TRPM3: variants seen among roughly 807,000 people sequenced by gnomAD.
TRPM3 encodes the protein transient receptor potential cation channel subfamily M member 3.
Under a neutral mutation model 181.2 loss-of-function variants are expected in TRPM3, and 77 were observed. The observed-to-expected ratio is 0.42, with a 90% CI of 0.35 to 0.51. The LOEUF (loss-of-function observed/expected upper bound fraction) is 0.51, where lower values mean the gene tolerates loss of function less well. Ranked by LOEUF, TRPM3 falls within the 20% of genes least tolerant of loss-of-function variation. The probability of loss-of-function intolerance (pLI) is 0.01; values close to 1 mark genes in which losing one functional copy is unlikely to be tolerated. For synonymous variants in TRPM3, 745 were observed against 796.4 expected, an observed-to-expected ratio of 0.94 and a Z score of 1.09; for missense variants, 1,759 against 2,196.7, an observed-to-expected ratio of 0.80 and a Z score of 3.98.
intron 1 of TRPM3, among the ~76,000 whole-genome samples, chr9:71,099,699 T>A (rs550437667): frequency 1.3e-5 from 2 of 152,280 alleles, no homozygotes; most frequent in Non-Finnish European, 2.9e-5. Flanking sequence ...ATGCTCAACC[T>A]GAGATCCATT....
intron 1 of TRPM3, among the ~76,000 whole-genome samples, chr9:70,871,454 A>G (rs144066541): frequency 1.2e-4 from 18 of 152,056 alleles, no homozygotes; most frequent in African/African-American, 4.3e-4. Context: ...AAGATAAATA[A>G]CTATTCAATA....
chr9:71,103,193 C>G (rs2068727064), intron 1 of TRPM3, among the ~76,000 whole-genome samples: 1 of 152,164 alleles, frequency 6.6e-6, no homozygotes, highest in East Asian at 1.9e-4. Context: ...GTGTTTGAAA[C>G]TGTATCAAAC....
chr9:70,795,366 T>C (rs2086751943), intron 6 of TRPM3, among the ~76,000 whole-genome samples: 1 of 152,224 alleles, frequency 6.6e-6, no homozygotes, highest in South Asian at 2.1e-4. Context: ...CTTATTTATA[T>C]CTATTAAGCT....
rs141564971 is a variant in TRPM3, at chr9:71,422,120, A to G, written c.183+24533T>C. Among the ~76,000 whole-genome samples, 11 of 152,074 alleles carry G rather than the reference A, an allele frequency of 7.2e-5. No individual in the cohort carries two copies. In the East Asian group the frequency reaches 1.4e-3, roughly 19 times the overall value. ...AACTTCTGTTTGGTTTTCTCTTGTT[A>G]ACTTGTTACAGGGGTCTCAGATGAG... On this transcript the variant is annotated intron_variant, in intron 1 of 24. Transcript: ENST00000357533.
intron 1 of TRPM3, among the ~76,000 whole-genome samples, chr9:71,212,221 A>G (rs960744948): frequency 2.0e-5 from 3 of 152,196 alleles, no homozygotes; most frequent in Non-Finnish European, 2.9e-5. Context: ...GGCTCAAGCC[A>G]TCCTCCCATC....
At chr9:71,383,369 T>C (rs1401472094) in intron 1 of TRPM3, among the ~76,000 whole-genome samples, 1 of 152,174 alleles carries the variant, frequency 6.6e-6, no homozygotes, top group African/African-American at 2.4e-5. Flanking sequence ...AACTGACCAC[T>C]ATGGACTGCA....
At chr9:71,231,799 G>T (rs2081070142) in intron 1 of TRPM3, among the ~76,000 whole-genome samples, 1 of 152,124 alleles carries the variant, frequency 6.6e-6, no homozygotes, top group Admixed American at 6.5e-5. Flanking sequence ...ATGGTAAGCG[G>T]GTTTGGGTTA....
intron 5 of TRPM3, among the ~76,000 whole-genome samples, chr9:70,828,468 T>C (rs917357214): frequency 1.3e-5 from 2 of 152,168 alleles, no homozygotes; most frequent in East Asian, 3.9e-4. Context: ...AGAAATGTGA[T>C]TCTTTCTGTC....
intron 1 of TRPM3, among the ~76,000 whole-genome samples, chr9:71,144,231 T>C (rs906165357): frequency 6.6e-6 from 1 of 152,126 alleles, no homozygotes; most frequent in Non-Finnish European, 1.5e-5. Flanking sequence ...TTTGACCTTG[T>C]GCCCCTAGAA....
chr9:71,405,129 T>C (rs368126678), intron 1 of TRPM3, among the ~76,000 whole-genome samples: 1 of 152,238 alleles, frequency 6.6e-6, no homozygotes, highest in Non-Finnish European at 1.5e-5. Flanking sequence ...TCTTGCCTCA[T>C]ACGAATTATC....
At chr9:70,795,081 A>C (rs2086658397) in intron 6 of TRPM3, among the ~76,000 whole-genome samples, 1 of 152,200 alleles carries the variant, frequency 6.6e-6, no homozygotes, top group African/African-American at 2.4e-5. Flanking sequence ...GGGGTTATTT[A>C]AGATATCTGG....
intron 1 of TRPM3, among the ~76,000 whole-genome samples, chr9:71,103,693 C>A (rs1171239596): frequency 6.6e-6 from 1 of 152,142 alleles, no homozygotes; most frequent in Non-Finnish European, 1.5e-5. Flanking sequence ...ACTATCTTTT[C>A]TTCCTATAAC....
chr9:71,082,089 T>C (rs1447432311), intron 1 of TRPM3, among the ~76,000 whole-genome samples: 1 of 151,888 alleles, frequency 6.6e-6, no homozygotes, highest in African/African-American at 2.4e-5. Flanking sequence ...ATGTAGCAAA[T>C]AGACTTTTTA....
intron 1 of TRPM3, among the ~76,000 whole-genome samples, chr9:71,115,889 G>T (rs192044644): frequency 9.3e-4 from 141 of 152,278 alleles, no homozygotes; most frequent in African/African-American, 3.2e-3. Context: ...AAGTCACATG[G>T]TTCACTGTTC....
chr9:71,424,705 G>C (rs1260821307), intron 1 of TRPM3, among the ~76,000 whole-genome samples: 1 of 152,020 alleles, frequency 6.6e-6, no homozygotes, highest in Non-Finnish European at 1.5e-5. Flanking sequence ...TTCTCTCCCT[G>C]TAGATGGTAT....
intron 9 of TRPM3, among the ~76,000 whole-genome samples, chr9:70,671,639 T>C (rs143488053): frequency 2.7e-4 from 41 of 152,342 alleles, no homozygotes; most frequent in African/African-American, 9.1e-4. Flanking sequence ...GTCTGAACCC[T>C]GATTAGTATT....
At chr9:71,280,074 ATCT>A in intron 1 of TRPM3, among the ~76,000 whole-genome samples, 1 of 122,786 alleles carries the variant, frequency 8.1e-6, no homozygotes, top group Non-Finnish European at 1.7e-5. Context: ...GTGAAACTCC[ATCT>A]CAAAAAAAAA....
chr9:70,921,942 A>AACAAACACACACACACAC (rs1554770508), intron 1 of TRPM3, among the ~76,000 whole-genome samples: 3 of 139,498 alleles, frequency 2.2e-5, no homozygotes, highest in African/African-American at 8.2e-5. Flanking sequence ...CACACAAACA[A>AACAAACACACACACACAC]ACACACACAC....
chr9:71,251,008 G>T (rs899814479), intron 1 of TRPM3, among the ~76,000 whole-genome samples: 1 of 152,202 alleles, frequency 6.6e-6, no homozygotes, highest in African/African-American at 2.4e-5. Context: ...AAAAAGATCA[G>T]TTCAACTGCT....
Sources: allele counts gnomAD v4.1 joint callset (sites outside exome capture counted in the v4.1 genomes callset), GRCh38; gene constraint gnomAD v4.1.1; transcripts MANE v1.5; gene names NCBI Gene and HGNC (gene_info 2026-07-23, HGNC 2026-07-21).